Variants in SYCP1 observed in about 807,000 individuals in gnomAD.
SYCP1 encodes the protein synaptonemal complex protein 1.
A neutral mutation model predicts 153.1 loss-of-function variants in SYCP1; 64 were observed. The ratio of observed to expected loss-of-function variants is 0.42; its 90% CI spans 0.34 to 0.51. The LOEUF is 0.51. Among genes scored for constraint, SYCP1 ranks in the 20% least tolerant of loss-of-function variants. The pLI is 0.06. For missense variants in SYCP1, 997 were observed against 1,049.0 expected, an observed-to-expected ratio of 0.95 and a Z score of 0.68; for synonymous variants, 384 against 341.8, an observed-to-expected ratio of 1.12 and a Z score of -1.36.
chr1:114,987,079 T>TC (rs1240687450), intron 30 of SYCP1, among the ~76,000 whole-genome samples: 8 of 151,854 alleles, frequency 5.3e-5, no homozygotes, highest in Non-Finnish European at 1.0e-4. Flanking sequence ...CATCTATCTT[T>TC]TTTTTTTTTT....
Position 114,995,196 on chromosome 1 carries a change from A to G in SYCP1, c.*177A>G, listed in dbSNP as rs1467841250. The G allele has an allele frequency of 5.7e-6, 3 of 527,516 alleles. No individual in the cohort carries two copies. The African/African-American group carries it at 5.8e-5, about 10-fold the overall frequency. 32.7% of individuals were successfully genotyped at this position (527,516 alleles called of 1,614,324 possible). ...AATGTTAACTACATATTGTCTGGAA[A>G]CCTGTCATTGTATTCAGATAATTAG... On this transcript the variant is annotated 3_prime_UTR_variant, in exon 32 of 32. Coordinates refer to ENST00000369522, the MANE Select transcript of SYCP1 (RefSeq NM_003176.4).
At chr1:114,929,347 A>G (rs569554507) in intron 23 of SYCP1, among the ~76,000 whole-genome samples, 1 of 152,270 alleles carries the variant, frequency 6.6e-6, no homozygotes, top group African/African-American at 2.4e-5. Context: ...GAACTCAAGC[A>G]TATCAATAAT....
chr1:114,935,745 A>G (rs2101782633), intron 23 of SYCP1, among the ~76,000 whole-genome samples: 1 of 152,348 alleles, frequency 6.6e-6, no homozygotes, highest in East Asian at 1.9e-4. Flanking sequence ...CCACAGAAAT[A>G]CAAACTACCA....
At chr1:114,994,294 T>G (rs996802247) in intron 30 of SYCP1, among the ~76,000 whole-genome samples, 3 of 151,428 alleles carry the variant, frequency 2.0e-5, no homozygotes, top group African/African-American at 7.3e-5. Context: ...GAATTATAAA[T>G]ACTTGTTATA....
chr1:114,896,520 T>G (rs1667066124), intron 16 of SYCP1, among the ~76,000 whole-genome samples: 1 of 152,204 alleles, frequency 6.6e-6, no homozygotes, highest in Admixed American at 6.5e-5. Flanking sequence ...TTCATTTATT[T>G]TTGGTATTAT....
intron 12 of SYCP1, 81 bp from the exon 13 acceptor site, chr1:114,885,454 A>T (rs955432770): frequency 1.3e-5 from 10 of 788,922 alleles, no homozygotes; most frequent in Non-Finnish European, 2.0e-5. Flanking sequence ...GAGGAAAAAG[A>T]CTAATTGTCA....
rs764251704 is a variant in SYCP1 at position 114,981,535 on chromosome 1, T to C, written c.2559+23T>C. 4 of 1,560,350 alleles carry C rather than the reference T, an allele frequency of 2.6e-6. No homozygotes were observed. The Admixed American group carries it at 8.8e-5, about 34-fold the overall frequency. ...AAGGTTTGTGTCTAAATTTTCCATG[T>C]TAGTAGTAATTTTTTAAATAAATAA... is the stretch of plus-strand genomic sequence containing the variant. On this transcript the variant is annotated intron_variant, in intron 29 of 31. Coordinates refer to ENST00000369522, the MANE Select transcript of SYCP1 (RefSeq NM_003176.4).
chr1:114,980,618 A>G (rs1435187279), intron 28 of SYCP1, among the ~76,000 whole-genome samples: 1 of 151,928 alleles, frequency 6.6e-6, no homozygotes, highest in African/African-American at 2.4e-5. Context: ...AAGAGAACGA[A>G]TGAAAGTTAG....
chr1:114,952,874 T>G (rs1671197671), intron 27 of SYCP1, among the ~76,000 whole-genome samples: 1 of 152,178 alleles, frequency 6.6e-6, no homozygotes, highest in South Asian at 2.1e-4. Flanking sequence ...CTTATTCCAT[T>G]TGTGTTGCTA....
intron 8 of SYCP1, among the ~76,000 whole-genome samples, chr1:114,869,903 C>T (rs574630195): frequency 6.6e-6 from 1 of 152,226 alleles, no homozygotes; most frequent in South Asian, 2.1e-4. Context: ...TTTCTCTTTG[C>T]GGTTCTACCA....
intron 4 of SYCP1, 32 bp downstream of exon 4, chr1:114,857,307 C>A: frequency 6.3e-7 from 1 of 1,589,918 alleles, no homozygotes; most frequent in Non-Finnish European, 8.6e-7. Flanking sequence ...TAGATATAAT[C>A]TGTTTAGGTA....
chr1:114,959,720 AC>A (rs1251099835), intron 27 of SYCP1, among the ~76,000 whole-genome samples: 1 of 150,404 alleles, frequency 6.6e-6, no homozygotes, highest in African/African-American at 2.4e-5. Flanking sequence ...TTCCCCACAC[AC>A]CCCCTCCCCT....
intron 8 of SYCP1, among the ~76,000 whole-genome samples, chr1:114,864,019 G>A (rs183193361): frequency 8.6e-5 from 13 of 151,530 alleles, no homozygotes; most frequent in African/African-American, 3.1e-4. Flanking sequence ...AATACCTAAT[G>A]CAGGTGGGGC....
rs756741878 is a variant in SYCP1 at position 114,994,892 on chromosome 1, C to A, written c.2804C>A (p.Ser935Tyr). The A allele has an allele frequency of 6.6e-7, 1 of 1,515,704 alleles. No homozygotes were observed. Among genetic ancestry groups the A allele is most frequent in the Non-Finnish European group, 8.8e-7 (1 of 1,130,290 alleles). The allele number at this position is 1,515,704 out of a possible 1,614,324, so 93.9% of individuals were successfully genotyped here. The change falls in exon 32 of 32, where the codon TCT (serine) becomes TAT (tyrosine). Residue 935 changes from serine (S) to tyrosine (Y), a missense_variant. Ser to Tyr is a moderately radical substitution (Grantham distance 144). Transcript: ENST00000369522. ...CVKTPKKAPSSLTTPGSTLKF... is the reference protein window; with the variant it reads ...CVKTPKKAPSYLTTPGSTLKF... ...TTATTTTGTACTCAGGCCCCTTCATCTCTAACAACCCCTGGATCTACACTG... is the reference window on the plus strand; with the variant it reads ...TTATTTTGTACTCAGGCCCCTTCATATCTAACAACCCCTGGATCTACACTG...
At chr1:114,879,394 T>G (rs1665757871) in intron 12 of SYCP1, among the ~76,000 whole-genome samples, 1 of 152,204 alleles carries the variant, frequency 6.6e-6, no homozygotes, top group Admixed American at 6.5e-5. Context: ...CCAGATATAT[T>G]GAAATAATTT....
chr1:114,890,097 A>C (rs1478402370), intron 15 of SYCP1, among the ~76,000 whole-genome samples: 1 of 152,066 alleles, frequency 6.6e-6, no homozygotes, highest in African/African-American at 2.4e-5. Flanking sequence ...GTATTCTAGA[A>C]TTGTGAAATA....
At chr1:114,951,812 C>G (rs115336820) in intron 27 of SYCP1, among the ~76,000 whole-genome samples, 2,384 of 152,190 alleles carry the variant, frequency 0.016, 67 homozygotes, top group African/African-American at 0.054. Context: ...CTCCCTCCCC[C>G]ACCCCTGGCA....
At chr1:114,904,790 A>T (rs1449089257) in intron 16 of SYCP1, among the ~76,000 whole-genome samples, 1 of 152,222 alleles carries the variant, frequency 6.6e-6, no homozygotes, top group Non-Finnish European at 1.5e-5. Context: ...TCCTGATCTT[A>T]AGAGAAAAAC....
At chr1:114,962,627 C>A (rs1671851803) in intron 27 of SYCP1, among the ~76,000 whole-genome samples, 1 of 152,110 alleles carries the variant, frequency 6.6e-6, no homozygotes. Context: ...TTCTGCCATT[C>A]TGTATCTTTT....
Sources: allele counts gnomAD v4.1 joint callset (sites outside exome capture counted in the v4.1 genomes callset), GRCh38; gene constraint gnomAD v4.1.1; transcripts MANE v1.5; gene names NCBI Gene and HGNC (gene_info 2026-07-23, HGNC 2026-07-21).